Variants in PIK3C2B observed in about 807,000 individuals in gnomAD.
The protein encoded by PIK3C2B is phosphatidylinositol-4-phosphate 3-kinase catalytic subunit type 2 beta.
A neutral mutation model predicts 184.3 loss-of-function variants in PIK3C2B; 83 were observed. The ratio of observed to expected loss-of-function variants is 0.45; its 90% CI spans 0.38 to 0.54. The LOEUF is 0.54. PIK3C2B is among the 20% of genes least tolerant of loss of function. PIK3C2B has a pLI of 0.00. For missense variants in PIK3C2B, 1,736 were observed against 2,113.5 expected, an observed-to-expected ratio of 0.82 and a Z score of 3.50; for synonymous variants, 779 against 837.6, an observed-to-expected ratio of 0.93 and a Z score of 1.21.
chr1:204,479,494 A>C (rs567780536), intron 1 of PIK3C2B, among the ~76,000 whole-genome samples: 16 of 152,304 alleles, frequency 1.1e-4, no homozygotes, highest in Admixed American at 2.6e-4. Context: ...TCAGAAAAAC[A>C]ACCACAGAAT....
In PIK3C2B at chr1:204,469,712, G is replaced by T. The variant is rs1383571860; in HGVS notation, c.91C>A (p.Gln31Lys). ...RKELAMAEAL[Q>K]MEYDALSRLR... ...CGGGACAGGGCATCATACTCCATCTGCAGGGCTTCGGCCATCGCTAGCTCT... is the reference window on the plus strand; with the variant it reads ...CGGGACAGGGCATCATACTCCATCTTCAGGGCTTCGGCCATCGCTAGCTCT... Residue 31 changes from glutamine (Q) to lysine (K), a missense_variant, in exon 2 of 33, where the codon CAG (glutamine) becomes AAG (lysine). Gln to Lys is a moderately conservative substitution (Grantham distance 53). Coordinates refer to ENST00000684373, the MANE Select transcript of PIK3C2B (RefSeq NM_001377334.1). 6.2e-7 allele frequency: 1 copy of T among 1,613,914 alleles called. No individual in the cohort carries two copies. The highest frequency in any genetic ancestry group is 2.2e-5 in the East Asian group (1 of 44,866).
At chr1:204,445,655 G>A (rs905337253) in intron 16 of PIK3C2B, among the ~76,000 whole-genome samples, 38 of 145,898 alleles carry the variant, frequency 2.6e-4, no homozygotes, top group Non-Finnish European at 4.4e-4. Context: ...TGGATACAGT[G>A]ATGGATAAAT....
At position 204,430,023 on chromosome 1, in the gene PIK3C2B, G is replaced by C. The variant is rs1471518027; in HGVS notation, c.4296C>G (p.Phe1432Leu). Residue 1432 changes from phenylalanine to leucine, a missense_variant, in exon 29 of 33, where the codon TTC (phenylalanine) becomes TTG (leucine). Transcript: ENST00000684373. ...CCTCTCCCCGGGAGCGGCCGATCAC[G>C]AAGCGACTAGGGAAGCTGGCGTGGC... is the stretch of plus-strand genomic sequence containing the variant. ...SSHLPSFPSR[F>L]VIGRSRGEAV... 4 of 1,608,586 alleles carry C rather than the reference G, an allele frequency of 2.5e-6. No individual in the cohort carries two copies. Among genetic ancestry groups the C allele is most frequent in the South Asian group, 1.1e-5 (1 of 91,046 alleles).
chr1:204,446,111 C>A lies in PIK3C2B; in HGVS notation c.2523G>T (p.Glu841Asp). ...LTDADKKRLW[E>D]KRYYCHSEVS... ...CCTCCGAGTGGCAGTAATATCGCTT[C>A]TCCCACAGGCGCTTCTTGTCAGCAT... The change falls in exon 16 of 33, where the codon GAG becomes GAT. Residue 841 changes from glutamate to aspartate, a missense_variant. By Grantham distance (45) the Glu-to-Asp change is conservative. This residue lies in a region of PIK3C2B where 609 missense variants were observed against 699.2 expected (regional missense o/e 0.87). Transcript: ENST00000684373. The A allele has an allele frequency of 6.3e-7, 1 of 1,580,270 alleles. No individual in the cohort carries two copies. The highest frequency in any genetic ancestry group is 8.6e-7 in the Non-Finnish European group (1 of 1,159,626).
In PIK3C2B at chr1:204,428,291, T is replaced by C. The variant is rs1439461410; in HGVS notation, c.4399-71A>G. 6 of 911,140 alleles carry C rather than the reference T, an allele frequency of 6.6e-6. No individual in the cohort carries two copies. The East Asian group carries it at 7.4e-5, about 11-fold the overall frequency. 56.4% of individuals were successfully genotyped at this position (911,140 alleles called of 1,614,324 possible). A position where few individuals can be genotyped will look rare whatever the true frequency, so the allele number is the denominator to read the frequency against. ...CCCAATACAAAAAGGAAGGGGACTG[T>C]TCCAGATGTAAAAAGACTTAGGAAA... On this transcript the variant is annotated intron_variant, in intron 29 of 32. Coordinates refer to ENST00000684373, the MANE Select transcript of PIK3C2B (RefSeq NM_001377334.1).
chr1:204,446,054 G>A lies in PIK3C2B; in HGVS notation c.2580C>T (p.Ala860=). The A allele has an allele frequency of 6.2e-7, 1 of 1,601,938 alleles. No homozygotes were observed. ...GCAGGCAAGCCCACTCCCAGCTGGGGGCGCTGGCGAGCACCAGGGGGAGCG... is the reference window on the plus strand; with the variant it reads ...GCAGGCAAGCCCACTCCCAGCTGGGAGCGCTGGCGAGCACCAGGGGGAGCG... ...VSSLPLVLAS[A]PSWEWACLPD... is the part of the protein sequence containing the mutation. The change falls in exon 16 of 33, where the codon GCC becomes GCT. Residue 860 remains alanine, a synonymous_variant. Coordinates refer to ENST00000684373, the MANE Select transcript of PIK3C2B (RefSeq NM_001377334.1).
rs763573960 is a variant in PIK3C2B, at chr1:204,447,392, G to A, written c.2489+44C>T. On this transcript the variant is annotated intron_variant, in intron 15 of 32. Transcript: ENST00000684373. This position sits in a 1 kb window ranked among gnomAD's most constrained non-coding sequence, Gnocchi z 4.1. Reference sequence around the variant, plus strand: ...GGAGGACGGAGACTCAGTGCTGGGAGGTCAGATGAAACATGACAGATTCAG... The same window carrying A: ...GGAGGACGGAGACTCAGTGCTGGGAAGTCAGATGAAACATGACAGATTCAG... 7 of 1,584,288 alleles carry A rather than the reference G, an allele frequency of 4.4e-6. No individual in the cohort carries two copies. In the Admixed American group the frequency reaches 1.2e-4, roughly 27 times the overall value.
intron 1 of PIK3C2B, among the ~76,000 whole-genome samples, chr1:204,474,723 C>T (rs1214063911): frequency 6.6e-6 from 1 of 152,044 alleles, no homozygotes; most frequent in Non-Finnish European, 1.5e-5. Flanking sequence ...TGTTTCCTAT[C>T]CATACTACTC....
At chr1:204,475,254 C>T (rs1656626204) in intron 1 of PIK3C2B, among the ~76,000 whole-genome samples, 1 of 152,220 alleles carries the variant, frequency 6.6e-6, no homozygotes, top group Admixed American at 6.5e-5. Context: ...CACCTCCAAC[C>T]ATTCATGACC....
chr1:204,431,719 C>T lies in PIK3C2B; in HGVS notation c.4230G>A (p.Gln1410=), dbSNP rs1398139920. 2.5e-6 allele frequency: 4 copies of T among 1,614,068 alleles called. No individual in the cohort carries two copies. The highest frequency in any genetic ancestry group is 3.4e-6 in the Non-Finnish European group (4 of 1,180,046). The stretch of plus-strand genomic sequence containing the variant: ...GCAGCCGCAACTTATTGTGTAATTC[C>T]TGGAACTCCTCAAAGGTCCGCTGGA... ...TYIQRTFEEF[Q]ELHNKLRLLF... Residue 1410 remains glutamine (Q), a synonymous_variant, in exon 28 of 33, where the codon CAG becomes CAA. Coordinates refer to ENST00000684373, the MANE Select transcript of PIK3C2B (RefSeq NM_001377334.1).
At chr1:204,461,620 T>G (rs1395450564) in intron 5 of PIK3C2B, among the ~76,000 whole-genome samples, 5 of 152,120 alleles carry the variant, frequency 3.3e-5, no homozygotes, top group African/African-American at 1.2e-4. Context: ...CTAGGTCCCA[T>G]GAGGGCTCGA....
chr1:204,488,713 C>A (rs778966551), intron 1 of PIK3C2B, among the ~76,000 whole-genome samples: 12 of 152,176 alleles, frequency 7.9e-5, no homozygotes, highest in Non-Finnish European at 1.6e-4. Context: ...CCCCATCCTG[C>A]CCCAATTCCT....
intron 1 of PIK3C2B, among the ~76,000 whole-genome samples, chr1:204,481,691 G>A (rs1279882007): frequency 6.6e-6 from 1 of 152,206 alleles, no homozygotes; most frequent in South Asian, 2.1e-4. Context: ...CGTTCCAGCA[G>A]GCTGAGGGCA....
intron 21 of PIK3C2B, 56 bp downstream of exon 21, chr1:204,441,415 G>T: frequency 8.8e-7 from 1 of 1,139,976 alleles, no homozygotes; most frequent in Non-Finnish European, 1.3e-6. Context: ...GCCACTCTAG[G>T]CTGCCTCCTT....
intron 2 of PIK3C2B, among the ~76,000 whole-genome samples, chr1:204,465,526 C>T (rs183165193): frequency 7.2e-5 from 11 of 152,314 alleles, no homozygotes; most frequent in South Asian, 2.1e-4. Context: ...AAGAAGGAGG[C>T]GAAGCTCTGG....
At chr1:204,492,524 T>C (rs1044173577) in intron 1 of PIK3C2B, among the ~76,000 whole-genome samples, 6 of 152,040 alleles carry the variant, frequency 3.9e-5, no homozygotes, top group Admixed American at 3.3e-4. Flanking sequence ...AGACATGATA[T>C]AGATGCAAAG....
chr1:204,442,916 G>T (rs577101629), intron 19 of PIK3C2B, among the ~76,000 whole-genome samples: 1 of 152,368 alleles, frequency 6.6e-6, no homozygotes, highest in East Asian at 1.9e-4. Context: ...CAAGGGGGAA[G>T]AGCTATTTAG....
At chr1:204,443,651 G>A in intron 18 of PIK3C2B, 54 bp from the exon 19 acceptor site, 2 of 1,530,958 alleles carry the variant, frequency 1.3e-6, no homozygotes, top group Non-Finnish European at 1.8e-6. Context: ...AAAGGCAAGG[G>A]TACAGGGGGA....
At chr1:204,487,274 T>C (rs1657673013) in intron 1 of PIK3C2B, among the ~76,000 whole-genome samples, 1 of 152,252 alleles carries the variant, frequency 6.6e-6, no homozygotes, top group South Asian at 2.1e-4. Flanking sequence ...TCTGGCTAAT[T>C]TTTAAATTTT....
Sources: gnomAD v4.1 joint callset for allele counts (sites outside exome capture counted in the v4.1 genomes callset) on GRCh38, gnomAD v4.1.1 for gene constraint, gnomAD v4.1.1 regional missense constraint, Gnocchi (gnomAD v3.1) non-coding constraint, MANE v1.5 for transcripts, NCBI Gene and HGNC (gene_info 2026-07-23, HGNC 2026-07-21) for gene names.